Variants in ANKRD6 observed in about 807,000 individuals in gnomAD.
ANKRD6 encodes ankyrin repeat domain 6.
Under a neutral mutation model 82.3 loss-of-function variants are expected in ANKRD6, and 56 were observed. That is an observed-to-expected ratio of 0.68 (90% CI 0.55 to 0.85). The LOEUF is 0.85. Among genes scored for constraint, ANKRD6 ranks in the 40% least tolerant of loss-of-function variants. The pLI is 0.00. For missense variants in ANKRD6, 852 were observed against 907.6 expected, an observed-to-expected ratio of 0.94 and a Z score of 0.79; for synonymous variants, 347 against 352.1, an observed-to-expected ratio of 0.99 and a Z score of 0.16.
chr6:89,502,411 T>C (rs1278448464), intron 1 of ANKRD6, among the ~76,000 whole-genome samples: 1 of 152,166 alleles, frequency 6.6e-6, no homozygotes, highest in Non-Finnish European at 1.5e-5. Context: ...TTTGGGAGGC[T>C]GAAGCAGGTG....
intron 1 of ANKRD6, among the ~76,000 whole-genome samples, chr6:89,444,620 G>T (rs1771831419): frequency 6.6e-6 from 1 of 152,166 alleles, no homozygotes; most frequent in Non-Finnish European, 1.5e-5. Flanking sequence ...TTCCTGTTGG[G>T]ATATATCTAG....
chr6:89,612,338 C>T lies in ANKRD6; in HGVS notation c.484C>T (p.Leu162=). Residue 162 remains leucine (L), a synonymous_variant, in exon 6 of 16, where the codon CTG becomes TTG. Transcript: ENST00000339746. The part of the protein sequence containing the change: ...SHSQSTRVLL[L]AGSRADLKNN... ...CTCCCAGAGCACGCGCGTCCTCCTG[C>T]TGGCCGGGTCCCGCGCTGACCTCAA... The T allele has an allele frequency of 6.4e-7, 1 of 1,564,272 alleles. No individual in the cohort carries two copies. Among genetic ancestry groups the T allele is most frequent in the South Asian group, 1.2e-5 (1 of 84,650 alleles).
chr6:89,472,530 T>C (rs1775598355), intron 1 of ANKRD6, among the ~76,000 whole-genome samples: 1 of 152,258 alleles, frequency 6.6e-6, no homozygotes, highest in Non-Finnish European at 1.5e-5. Context: ...TTATGATTTC[T>C]ATTTCTTGAC....
chr6:89,576,695 GCT>G (rs1791180363), intron 2 of ANKRD6, among the ~76,000 whole-genome samples: 4 of 152,100 alleles, frequency 2.6e-5, no homozygotes, highest in African/African-American at 9.7e-5. Flanking sequence ...TATCCCTGAA[GCT>G]CCCGTTGGGT....
Position 89,632,602 on chromosome 6 carries a change from G to T in ANKRD6, c.*1598G>T, listed in dbSNP as rs1807624169. 2 of 152,046 alleles carry T rather than the reference G, an allele frequency of 1.3e-5. No homozygotes were observed. Among genetic ancestry groups the T allele is most frequent in the South Asian group, 2.1e-4 (1 of 4,818 alleles). The allele number at this position is 152,046 out of a possible 1,614,324, so 9.4% of individuals were successfully genotyped here. A position where few individuals can be genotyped will look rare whatever the true frequency, so the allele number is the denominator to read the frequency against. ...CTGGCTAATTTTTTGTAGATATAAGGTCTCATGATATTGCCCAGGCTGAAT... is the reference window on the plus strand; with the variant it reads ...CTGGCTAATTTTTTGTAGATATAAGTTCTCATGATATTGCCCAGGCTGAAT... On this transcript the variant is annotated 3_prime_UTR_variant, in exon 16 of 16. Transcript: ENST00000339746.
At chr6:89,460,266 T>G (rs140156478) in intron 1 of ANKRD6, among the ~76,000 whole-genome samples, 23 of 152,106 alleles carry the variant, frequency 1.5e-4, no homozygotes, top group African/African-American at 5.3e-4. Context: ...TTTTTTTACT[T>G]AAAGTTTTAA....
At chr6:89,512,054 C>A (rs1042869266) in intron 1 of ANKRD6, among the ~76,000 whole-genome samples, 1 of 152,088 alleles carries the variant, frequency 6.6e-6, no homozygotes, top group Non-Finnish European at 1.5e-5. Flanking sequence ...GCTGGGATTA[C>A]AGGCCTAAGC....
At chr6:89,481,581 T>C (rs1480063662) in intron 1 of ANKRD6, among the ~76,000 whole-genome samples, 3 of 152,256 alleles carry the variant, frequency 2.0e-5, no homozygotes, top group Non-Finnish European at 2.9e-5. Context: ...ACACATGTCA[T>C]GTGCATTTCC....
chr6:89,476,067 A>T (rs1369748506), intron 1 of ANKRD6, among the ~76,000 whole-genome samples: 1 of 152,244 alleles, frequency 6.6e-6, no homozygotes, highest in Non-Finnish European at 1.5e-5. Flanking sequence ...CTTTTAAAAT[A>T]ATGCATAATG....
At chr6:89,610,080 G>A (rs1349527387) in intron 5 of ANKRD6, among the ~76,000 whole-genome samples, 2 of 152,126 alleles carry the variant, frequency 1.3e-5, no homozygotes, top group Non-Finnish European at 2.9e-5. Context: ...TCAGGGTGGG[G>A]AAAAACGCCT....
rs376303997 is a variant in ANKRD6, at chr6:89,630,461, T to C, written c.1641T>C (p.Gly547=). ...TGVDQLVVTA[G]PAAASDSSPP... ...TGGACCAATTAGTGGTGACTGCAGG[T>C]CCAGCAGCAGCTTCCGACAGCTCCC... Residue 547 remains glycine (G), a synonymous_variant, in exon 16 of 16, where the codon GGT becomes GGC. Coordinates refer to ENST00000339746, the MANE Select transcript of ANKRD6 (RefSeq NM_001242809.2). 26 of 1,613,356 alleles carry C rather than the reference T, an allele frequency of 1.6e-5. No homozygotes were observed. The highest frequency in any genetic ancestry group is 2.2e-5 in the Non-Finnish European group (26 of 1,179,632).
At chr6:89,591,499 A>G (rs955782888) in intron 2 of ANKRD6, among the ~76,000 whole-genome samples, 10 of 152,192 alleles carry the variant, frequency 6.6e-5, no homozygotes, top group South Asian at 6.2e-4. Context: ...GAGCAGTTGC[A>G]TCCTTAAGTC....
Position 89,624,705 on chromosome 6 carries a change from CCCAGCTT to C in ANKRD6, c.1371+17_1371+23del. 1 of 1,599,440 alleles carries C rather than the reference CCCAGCTT, an allele frequency of 6.3e-7. No individual in the cohort carries two copies. Among genetic ancestry groups the C allele is most frequent in the African/African-American group, 1.3e-5 (1 of 74,604 alleles). On this transcript the variant is annotated intron_variant, in intron 13 of 15. Transcript: ENST00000339746. ...ACCCAGCACCAAGTATGTCATAAGG[CCCAGCTT>C]CCTAATTGCAAGGTGTTCTGGCAGA...
At chr6:89,505,706 A>G (rs1779759970) in intron 1 of ANKRD6, among the ~76,000 whole-genome samples, 1 of 152,218 alleles carries the variant, frequency 6.6e-6, no homozygotes, top group African/African-American at 2.4e-5. Context: ...TCAAAATAGA[A>G]CTGCATTGTG....
chr6:89,508,499 A>G (rs1013389239), intron 1 of ANKRD6, among the ~76,000 whole-genome samples: 1 of 152,366 alleles, frequency 6.6e-6, no homozygotes, highest in African/African-American at 2.4e-5. Flanking sequence ...AGTGTAAAGC[A>G]GAATGAGAGC....
rs375291969 is a variant in ANKRD6, at chr6:89,555,780, T to A, written c.-143-11054T>A. Among the ~76,000 whole-genome samples the A allele has an allele frequency of 2.0e-4, 30 of 152,110 alleles. No homozygotes were observed. The East Asian group carries it at 5.6e-3, about 28-fold the overall frequency. Reference sequence around the variant, plus strand: ...GACTGGGATGAGACTATGCATGGATTTGTATATCTCTGGACTTTGTTCTGG... The same window carrying A: ...GACTGGGATGAGACTATGCATGGATATGTATATCTCTGGACTTTGTTCTGG... On this transcript the variant is annotated intron_variant, in intron 1 of 15. Transcript: ENST00000339746.
At chr6:89,593,598 T>G (rs1795307682) in intron 2 of ANKRD6, among the ~76,000 whole-genome samples, 1 of 152,232 alleles carries the variant, frequency 6.6e-6, no homozygotes, top group African/African-American at 2.4e-5. Context: ...GATCCTTTAT[T>G]GTCTGTTATC....
At chr6:89,496,893 C>T (rs867863734) in intron 1 of ANKRD6, among the ~76,000 whole-genome samples, 22 of 152,186 alleles carry the variant, frequency 1.4e-4, no homozygotes, top group African/African-American at 5.3e-4. Flanking sequence ...AGCATAAACA[C>T]TCACCTTTAT....
chr6:89,526,127 G>T (rs997743721), intron 1 of ANKRD6, among the ~76,000 whole-genome samples: 6 of 152,174 alleles, frequency 3.9e-5, no homozygotes, highest in Non-Finnish European at 7.4e-5. Flanking sequence ...CGTCTTAGTC[G>T]ATAAAGGGAC....
Sources: gnomAD v4.1 joint callset for allele counts (sites outside exome capture counted in the v4.1 genomes callset) on GRCh38, gnomAD v4.1.1 for gene constraint, MANE v1.5 for transcripts, NCBI Gene and HGNC (gene_info 2026-07-23, HGNC 2026-07-21) for gene names.